Variants in SMG6 observed in about 807,000 individuals in gnomAD.
SMG6 encodes the protein SMG6 nonsense mediated mRNA decay factor, also known as telomerase-binding protein EST1A.
SMG6 carries 66 observed loss-of-function variants against 142.2 expected under a neutral mutation model. That is an observed-to-expected ratio of 0.46 (90% CI 0.38 to 0.57). SMG6 has a LOEUF of 0.57. Among genes scored for constraint, SMG6 ranks in the 20% least tolerant of loss-of-function variants. The pLI, the probability that SMG6 is intolerant of heterozygous loss-of-function variation, is 0.00. For synonymous variants in SMG6, 779 were observed against 702.4 expected (o/e 1.11, Z -1.72); for missense variants, 1,793 against 1,832.0 (o/e 0.98, Z 0.39).
At chr17:2,216,543 A>C (rs750257843) in intron 10 of SMG6, among the ~76,000 whole-genome samples, 2 of 152,226 alleles carry the variant, frequency 1.3e-5, no homozygotes, top group Non-Finnish European at 2.9e-5. Flanking sequence ...TATAAGACAT[A>C]ATTTTTTTAA....
chr17:2,128,497 T>G (rs2069980699), intron 13 of SMG6, among the ~76,000 whole-genome samples: 1 of 152,106 alleles, frequency 6.6e-6, no homozygotes, highest in Admixed American at 6.6e-5. Flanking sequence ...TCAACGGTAT[T>G]AACCTATACG....
At chr17:2,176,727 A>C (rs2071663418) in intron 12 of SMG6, among the ~76,000 whole-genome samples, 1 of 152,106 alleles carries the variant, frequency 6.6e-6, no homozygotes, top group Admixed American at 6.5e-5. Context: ...CCAACCCCAC[A>C]GAACACACCA....
At chr17:2,275,488 C>T (rs911244323) in intron 8 of SMG6, among the ~76,000 whole-genome samples, 10 of 152,166 alleles carry the variant, frequency 6.6e-5, no homozygotes, top group Admixed American at 2.6e-4. Context: ...ATCCTATATG[C>T]TTTCTTCCCC....
At chr17:2,111,289 C>G (rs753745675) in intron 13 of SMG6, among the ~76,000 whole-genome samples, 1 of 152,102 alleles carries the variant, frequency 6.6e-6, no homozygotes, top group African/African-American at 2.4e-5. Context: ...AGACAGAGAG[C>G]GGCAGGGTGG....
intron 15 of SMG6, among the ~76,000 whole-genome samples, chr17:2,072,609 C>T (rs2068134542): frequency 6.6e-6 from 1 of 152,110 alleles, no homozygotes; most frequent in African/African-American, 2.4e-5. Flanking sequence ...ATGATGCTTA[C>T]CGCTGCAAGC....
intron 13 of SMG6, among the ~76,000 whole-genome samples, chr17:2,144,913 G>A (rs1028307578): frequency 2.5e-4 from 38 of 152,202 alleles, no homozygotes; most frequent in African/African-American, 9.1e-4. Context: ...GCTCACCATA[G>A]TCCAAGCAGT....
At chr17:2,062,405 C>T (rs2067808811) in intron 18 of SMG6, 1 of 152,146 alleles carries the variant, frequency 6.6e-6, no homozygotes, top group Non-Finnish European at 1.5e-5. Flanking sequence ...ACCTTTTTTT[C>T]CTACAGCATC....
chr17:2,119,559 G>T (rs2069618083), intron 13 of SMG6, among the ~76,000 whole-genome samples: 3 of 152,084 alleles, frequency 2.0e-5, no homozygotes, highest in Non-Finnish European at 2.9e-5. Flanking sequence ...GAGTACAGTG[G>T]CACGATCTCG....
chr17:2,171,067 T>C (rs762042462), intron 13 of SMG6, among the ~76,000 whole-genome samples: 4 of 151,960 alleles, frequency 2.6e-5, no homozygotes, highest in Non-Finnish European at 5.9e-5. Context: ...TTGAGTTCAG[T>C]AGTTTGAGAC....
chr17:2,161,169 G>A (rs531660422), intron 13 of SMG6, among the ~76,000 whole-genome samples: 27 of 150,068 alleles, frequency 1.8e-4, no homozygotes, highest in Admixed American at 1.3e-3. Context: ...GTGCAGGGGC[G>A]CGATCTTGGC....
chr17:2,236,737 ACACACACACACAC>A (rs1458135185), intron 9 of SMG6, 100 bp from the exon 10 acceptor site: 234 of 1,107,642 alleles, frequency 2.1e-4, no homozygotes, highest in Non-Finnish European at 2.8e-4. Flanking sequence ...ACACACACAC[ACACACACACACAC>A]ACCAGACAAC....
intron 13 of SMG6, among the ~76,000 whole-genome samples, chr17:2,143,207 A>G (rs1176539277): frequency 1.3e-5 from 2 of 152,338 alleles, no homozygotes; most frequent in African/African-American, 4.8e-5. Flanking sequence ...CCATATGACC[A>G]AACAATACTA....
Position 2,277,001 on chromosome 17 carries a change from G to A in SMG6, c.2661+5646C>T, listed in dbSNP as rs1438499272. ...TCTCCATGTTAGTCAGCCTGGTCTC[G>A]AACTCCCAACCTCAAGTGATCCGCC... On this transcript the variant is annotated intron_variant, in intron 8 of 18. Coordinates refer to ENST00000263073, the MANE Select transcript of SMG6 (RefSeq NM_017575.5). 2.6e-5 allele frequency among the ~76,000 whole-genome samples: 4 copies of A among 151,530 alleles called. 1 individual carries two copies. The South Asian group carries it at 6.2e-4, about 24-fold the overall frequency.
At chr17:2,119,768 T>G (rs1012808188) in intron 13 of SMG6, among the ~76,000 whole-genome samples, 1 of 152,136 alleles carries the variant, frequency 6.6e-6, no homozygotes, top group African/African-American at 2.4e-5. Flanking sequence ...TTCATGCCAT[T>G]CTCCTGCCTC....
intron 13 of SMG6, chr17:2,088,140 G>A: frequency 1.0e-6 from 1 of 985,454 alleles, no homozygotes; most frequent in South Asian, 4.7e-5. Context: ...GAGGAAACCT[G>A]CCCAGGACAG....
chr17:2,297,124 A>T lies in SMG6; in HGVS notation c.2151+119T>A, dbSNP rs372755537. The T allele has an allele frequency of 1.4e-4, 94 of 660,336 alleles. No individual in the cohort carries two copies. The South Asian group carries it at 2.0e-3, about 14-fold the overall frequency. 40.9% of individuals were successfully genotyped at this position (660,336 alleles called of 1,614,324 possible). A position where few individuals can be genotyped will look rare whatever the true frequency, so the allele number is the denominator to read the frequency against. ...GTTGGTTTAATCTATCTGTCCCTGC[A>T]CTGAACTGTATCATTATTTTATCCT... On this transcript the variant is annotated intron_variant, in intron 4 of 18. Transcript: ENST00000263073.
intron 10 of SMG6, 35 bp from the exon 11 acceptor site, chr17:2,188,550 G>C: frequency 6.3e-7 from 1 of 1,588,816 alleles, no homozygotes; most frequent in South Asian, 1.1e-5. Context: ...CAGCGCCCCA[G>C]GCGGACAAGA....
intron 14 of SMG6, among the ~76,000 whole-genome samples, chr17:2,083,411 A>G (rs1406555738): frequency 6.6e-6 from 1 of 152,200 alleles, no homozygotes; most frequent in Non-Finnish European, 1.5e-5. Flanking sequence ...ACAAAGAACT[A>G]TGTCTGAAGA....
Position 2,071,309 on chromosome 17 carries a change from C to T in SMG6, c.3682-2378G>A, listed in dbSNP as rs957101993. ...AACAGTCAGCTCCTAAGCCCTGGTA[C>T]CATCCTACCTCTATTGCTGGCAATT... On this transcript the variant is annotated intron_variant, in intron 15 of 18. Coordinates refer to ENST00000263073, the MANE Select transcript of SMG6 (RefSeq NM_017575.5). The surrounding 1 kb of genome is among the most constrained non-coding windows in gnomAD (Gnocchi z 5.6). 2.6e-5 allele frequency among the ~76,000 whole-genome samples: 4 copies of T among 152,176 alleles called. No individual in the cohort carries two copies. Among genetic ancestry groups the T allele is most frequent in the Non-Finnish European group, 5.9e-5 (4 of 68,030 alleles).
Sources: gnomAD v4.1 joint callset for allele counts (sites outside exome capture counted in the v4.1 genomes callset) on GRCh38, gnomAD v4.1.1 for gene constraint, Gnocchi (gnomAD v3.1) non-coding constraint, MANE v1.5 for transcripts, NCBI Gene and HGNC (gene_info 2026-07-23, HGNC 2026-07-21) for gene names.